NSD1: variants seen among roughly 807,000 people sequenced by gnomAD.
NSD1 encodes the protein nuclear receptor binding SET domain protein 1.
In NSD1, 26 loss-of-function variants were observed where a neutral mutation model predicts 242.7. The ratio of observed to expected loss-of-function variants is 0.11; its 90% CI spans 0.08 to 0.15. The LOEUF (loss-of-function observed/expected upper bound fraction) is 0.15, where lower values mean the gene tolerates loss of function less well. NSD1 is among the 10% of genes least tolerant of loss of function. The probability of loss-of-function intolerance (pLI) is 1.00; values close to 1 mark genes in which losing one functional copy is unlikely to be tolerated. For missense variants in NSD1, 2,495 were observed against 3,272.8 expected (o/e 0.76, Z 5.80); for synonymous variants, 1,106 against 1,178.1 (o/e 0.94, Z 1.25).
Position 177,135,344 on chromosome 5 carries a change from A to C in NSD1, c.241A>C (p.Met81Leu). ...PLRRLQDLAS[M>L]INVEYLNGSA... ...GCGGAGACTACAGGATTTGGCCTCC[A>C]TGATCAATGTAGAGTATTTAAATGG... The change falls in exon 2 of 23, where the codon ATG becomes CTG. Residue 81 changes from methionine to leucine, a missense_variant. Met to Leu is a conservative substitution (Grantham distance 15). Transcript: ENST00000439151. The C allele has an allele frequency of 6.2e-7, 1 of 1,611,716 alleles. No individual in the cohort carries two copies. Among genetic ancestry groups the C allele is most frequent in the Non-Finnish European group, 8.5e-7 (1 of 1,177,898 alleles).
At chr5:177,235,153 G>A (rs1349693120) in intron 5 of NSD1, among the ~76,000 whole-genome samples, 1 of 152,170 alleles carries the variant, frequency 6.6e-6, no homozygotes, top group African/African-American at 2.4e-5. Context: ...AGGAATGATG[G>A]TAATGCCAAA....
intron 14 of NSD1, chr5:177,265,892 A>G: frequency 2.0e-6 from 3 of 1,472,450 alleles, no homozygotes. Flanking sequence ...CGGGGAGGTG[A>G]AGGTCAGGTC....
chr5:177,184,974 G>C (rs1760985001), intron 2 of NSD1, among the ~76,000 whole-genome samples: 1 of 152,132 alleles, frequency 6.6e-6, no homozygotes, highest in Non-Finnish European at 1.5e-5. Flanking sequence ...CTAAACGGAT[G>C]TGTTTTTGTC....
At chr5:177,280,409 A>G (rs1038855604) in intron 17 of NSD1, among the ~76,000 whole-genome samples, 156 bp from the exon 18 acceptor site, 1 of 152,158 alleles carries the variant, frequency 6.6e-6, no homozygotes, top group Admixed American at 6.5e-5. Context: ...TTGTATGTCA[A>G]GTGAGGCTCT....
chr5:177,178,563 A>G (rs1190860818), intron 2 of NSD1, among the ~76,000 whole-genome samples: 1 of 152,170 alleles, frequency 6.6e-6, no homozygotes, highest in Non-Finnish European at 1.5e-5. Flanking sequence ...GGATTAAGAA[A>G]AACCCCTAAA....
At chr5:177,280,930 AAC>A (rs1161947983) in intron 18 of NSD1, 96 bp downstream of exon 18, 13 of 1,320,222 alleles carry the variant, frequency 9.8e-6, no homozygotes, top group South Asian at 2.5e-5. Flanking sequence ...AGAAGAAAAT[AAC>A]ACAGTTAATA....
In NSD1 at chr5:177,185,830, GTTT is replaced by G. The variant is rs1385298077; in HGVS notation, c.928-6052_928-6050del. 9.6e-5 allele frequency among the ~76,000 whole-genome samples: 8 copies of G among 83,230 alleles called. No homozygotes were observed. In the Admixed American group the frequency reaches 1.0e-3, roughly 11 times the overall value. 54.6% of individuals were successfully genotyped at this position (83,230 alleles called of 152,430 possible). A position where few individuals can be genotyped will look rare whatever the true frequency, so the allele number is the denominator to read the frequency against. On this transcript the variant is annotated intron_variant, in intron 2 of 22. Coordinates refer to ENST00000439151, the MANE Select transcript of NSD1 (RefSeq NM_022455.5). ...ATAAATTTATATATATAATATATAA[GTTT>G]TATATATTTAAATATATATTATATA...
At position 177,257,084 on chromosome 5, in the gene NSD1, C is replaced by T. The variant is rs1426047781; in HGVS notation, c.4899C>T (p.Phe1633=). 1.2e-6 allele frequency: 2 copies of T among 1,614,110 alleles called. No individual in the cohort carries two copies. Among genetic ancestry groups the T allele is most frequent in the South Asian group, 2.2e-5 (2 of 91,086 alleles). The part of the protein sequence containing the change: ...YPPTVMQNKG[F]RCSLHICITC... ...CCACTGTTATGCAGAACAAGGGCTT[C>T]CGGTGCTCCCTCCACATCTGTATAA... is the stretch of plus-strand genomic sequence containing the variant. The change falls in exon 13 of 23, where the codon TTC becomes TTT. Residue 1633 remains phenylalanine (F), a synonymous_variant. Coordinates refer to ENST00000439151, the MANE Select transcript of NSD1 (RefSeq NM_022455.5).
At position 177,235,937 on chromosome 5, in the gene NSD1, G is replaced by A. The variant is rs1765404595; in HGVS notation, c.3913G>A (p.Val1305Met). ...AAAACAAAAGAAGGTACAGGAGCAG[G>A]TGCACAAGGTATGTTGCAAAATTTC... ...KKKQKKVQEQ[V>M]HKVSSRCEEE... The change falls in exon 6 of 23, where the codon GTG (valine) becomes ATG (methionine). Residue 1305 changes from valine (V) to methionine (M), a missense_variant. Coordinates refer to ENST00000439151, the MANE Select transcript of NSD1 (RefSeq NM_022455.5). 1 of 1,613,826 alleles carries A rather than the reference G, an allele frequency of 6.2e-7. No individual in the cohort carries two copies. Among genetic ancestry groups the A allele is most frequent in the South Asian group, 1.1e-5 (1 of 91,070 alleles).
At chr5:177,171,220 T>C (rs947199779) in intron 2 of NSD1, among the ~76,000 whole-genome samples, 1 of 151,420 alleles carries the variant, frequency 6.6e-6, no homozygotes, top group African/African-American at 2.4e-5. Flanking sequence ...GGAAGGAGAA[T>C]CGCTTGAACC....
intron 21 of NSD1, among the ~76,000 whole-genome samples, chr5:177,290,559 CA>C (rs1223345333): frequency 6.6e-6 from 1 of 152,074 alleles, no homozygotes; most frequent in Non-Finnish European, 1.5e-5. Flanking sequence ...AGGCCCCTGC[CA>C]CCACACCTGG....
chr5:177,216,035 G>GT (rs200986425), intron 5 of NSD1, among the ~76,000 whole-genome samples: 2,551 of 151,926 alleles, frequency 0.017, 42 homozygotes, highest in Middle Eastern at 0.044. Flanking sequence ...TAATTTTTGT[G>GT]TTTTTTTGTA....
intron 14 of NSD1, chr5:177,265,125 T>G: frequency 1.3e-6 from 1 of 755,520 alleles, no homozygotes; most frequent in Non-Finnish European, 2.4e-6. Flanking sequence ...AAAGAGAAAG[T>G]TAACCTGGGT....
chr5:177,181,599 G>A (rs1760696637), intron 2 of NSD1, among the ~76,000 whole-genome samples: 1 of 151,422 alleles, frequency 6.6e-6, no homozygotes, highest in South Asian at 2.1e-4. Context: ...CTAATTTTTT[G>A]TAGTTTTTGT....
rs367790484 is a variant in NSD1 at position 177,211,910 on chromosome 5, C to T, written c.3511C>T (p.Arg1171Cys). 4.5e-5 allele frequency: 72 copies of T among 1,608,060 alleles called. No individual in the cohort carries two copies. The highest frequency in any genetic ancestry group is 1.7e-4 in the Middle Eastern group (1 of 6,038). The change falls in exon 5 of 23, where the codon CGT becomes TGT. Residue 1171 changes from arginine to cysteine, a missense_variant. By Grantham distance (180) the Arg-to-Cys change is radical (BLOSUM62 -3). Coordinates refer to ENST00000439151, the MANE Select transcript of NSD1 (RefSeq NM_022455.5). ...QRLNQRRTKP[R>C]KRMNRFKEKE... is the part of the protein sequence containing the mutation. ...TTTAAACCAAAGGCGCACTAAACCTCGTAAGCGCATGAACAGATTTAAAGA... is the reference window on the plus strand; with the variant it reads ...TTTAAACCAAAGGCGCACTAAACCTTGTAAGCGCATGAACAGATTTAAAGA...
In NSD1 at chr5:177,159,009, T is replaced by TATATATATGAATG. The variant is rs1554173337; in HGVS notation, c.927+22987_927+22988insGAATGATATATAT. 4.6e-3 allele frequency among the ~76,000 whole-genome samples: 448 copies of TATATATATGAATG among 97,232 alleles called. 13 individuals are homozygous for TATATATATGAATG. Among genetic ancestry groups the TATATATATGAATG allele is most frequent in the African/African-American group, 0.019 (430 of 23,166 alleles). 63.8% of individuals were successfully genotyped at this position (97,232 alleles called of 152,430 possible). A position where few individuals can be genotyped will look rare whatever the true frequency, so the allele number is the denominator to read the frequency against. On this transcript the variant is annotated intron_variant, in intron 2 of 22. Transcript: ENST00000439151. ...ATATATGAATGATTTTATATATATA[T>TATATATATGAATG]ATATATATATATATATGAATGATAT...
chr5:177,299,586 G>A lies in NSD1; in HGVS notation c.*4127G>A, dbSNP rs1760461940. The A allele has an allele frequency of 4.3e-6, 1 of 233,162 alleles. No individual in the cohort carries two copies. Among genetic ancestry groups the A allele is most frequent in the Non-Finnish European group, 8.5e-6 (1 of 118,052 alleles). The allele number at this position is 233,162 out of a possible 1,614,324, so 14.4% of individuals were successfully genotyped here. A position where few individuals can be genotyped will look rare whatever the true frequency, so the allele number is the denominator to read the frequency against. On this transcript the variant is annotated 3_prime_UTR_variant, in exon 23 of 23. Coordinates refer to ENST00000439151, the MANE Select transcript of NSD1 (RefSeq NM_022455.5). ...CTACTGCTTATGAAGATTAAGGGTA[G>A]TATTTTCTAAGGAAGTGGAAAGAAT...
intron 5 of NSD1, among the ~76,000 whole-genome samples, chr5:177,233,137 C>G (rs770651589): frequency 1.3e-4 from 20 of 152,212 alleles, no homozygotes; most frequent in Non-Finnish European, 2.5e-4. Context: ...TGCAGTGGCA[C>G]AATTATGGCT....
At position 177,252,547 on chromosome 5, in the gene NSD1, T is replaced by C. The variant is rs1393576843; in HGVS notation, c.4765+694T>C. Among the ~76,000 whole-genome samples the C allele has an allele frequency of 2.4e-4, 31 of 129,750 alleles. No individual in the cohort carries two copies. The East Asian group carries it at 6.3e-3, about 27-fold the overall frequency. The allele number at this position is 129,750 out of a possible 152,430, so 85.1% of individuals were successfully genotyped here. A position where few individuals can be genotyped will look rare whatever the true frequency, so the allele number is the denominator to read the frequency against. On this transcript the variant is annotated intron_variant, in intron 12 of 22. Transcript: ENST00000439151. ...CGCTAAAGTAAAGTGTTCTTTTTTT[T>C]TTTTTTTTTTTTTTTTTTTTTTAAT...
Sources: gnomAD v4.1 joint callset for allele counts (sites outside exome capture counted in the v4.1 genomes callset) on GRCh38, gnomAD v4.1.1 for gene constraint, MANE v1.5 for transcripts, NCBI Gene and HGNC (gene_info 2026-07-23, HGNC 2026-07-21) for gene names.